CUX2: variants seen among roughly 807,000 people sequenced by gnomAD.
CUX2 encodes homeobox protein cut-like 2.
Under a neutral mutation model 144.8 loss-of-function variants are expected in CUX2, and 40 were observed. The ratio of observed to expected loss-of-function variants is 0.28; its 90% CI spans 0.21 to 0.36. The LOEUF is 0.36. Ranked by LOEUF, CUX2 falls within the 10% of genes least tolerant of loss-of-function variation. The pLI, the probability that CUX2 is intolerant of heterozygous loss-of-function variation, is 1.00. For synonymous variants in CUX2, 827 were observed against 875.6 expected (o/e 0.94, Z 0.98); for missense variants, 1,615 against 1,994.0 (o/e 0.81, Z 3.62).
At chr12:111,044,785 A>G (rs1869918371) in intron 1 of CUX2, among the ~76,000 whole-genome samples, 1 of 152,100 alleles carries the variant, frequency 6.6e-6, no homozygotes, top group South Asian at 2.1e-4. Flanking sequence ...CTTCACCTTG[A>G]GGGGCAGTCT....
chr12:111,144,421 C>T (rs1000554453), intron 1 of CUX2, among the ~76,000 whole-genome samples: 3 of 152,192 alleles, frequency 2.0e-5, no homozygotes, highest in African/African-American at 7.2e-5. Context: ...ATGATCTTCC[C>T]GGTCACTAGG....
In CUX2 at chr12:111,210,563, G is replaced by C. The variant is rs149294723; in HGVS notation, c.64-3637G>C. 2.8e-3 allele frequency among the ~76,000 whole-genome samples: 434 copies of C among 152,306 alleles called. 1 individual carries two copies. The highest frequency in any genetic ancestry group is 9.7e-3 in the African/African-American group (405 of 41,564). ...AATCCCAACACTTTGGGAGGCCACA[G>C]CAGGTGGATTGCTTGAGTCTAGGAG... is the stretch of plus-strand genomic sequence containing the variant. On this transcript the variant is annotated intron_variant, in intron 1 of 21. Transcript: ENST00000261726.
intron 1 of CUX2, among the ~76,000 whole-genome samples, chr12:111,121,895 C>T (rs1438851107): frequency 6.6e-6 from 1 of 151,998 alleles, no homozygotes; most frequent in Non-Finnish European, 1.5e-5. Context: ...GAGCCCCTTC[C>T]ACCGAGACCT....
chr12:111,253,314 T>A (rs1329109636), intron 3 of CUX2, among the ~76,000 whole-genome samples: 1 of 102,818 alleles, frequency 9.7e-6, no homozygotes, highest in Admixed American at 9.7e-5. Flanking sequence ...CCGACTCACC[T>A]CCCGACCCCC....
intron 16 of CUX2, among the ~76,000 whole-genome samples, chr12:111,317,269 G>A (rs921086864): frequency 6.6e-6 from 1 of 152,170 alleles, no homozygotes; most frequent in African/African-American, 2.4e-5. Context: ...GCAGAGGGAA[G>A]CACCTTTTCA....
chr12:111,342,455 G>T (rs7978923), intron 21 of CUX2, among the ~76,000 whole-genome samples: 75,339 of 150,858 alleles, frequency 0.5, 24,377 homozygotes, highest in East Asian at 0.93. Flanking sequence ...CACTCCAGCC[G>T]GGGCGACAGA....
intron 19 of CUX2, among the ~76,000 whole-genome samples, chr12:111,337,370 A>G (rs1391480675): frequency 1.3e-5 from 2 of 148,958 alleles, no homozygotes. Flanking sequence ...AAAAAAAAAG[A>G]AAAGAAAAAT....
At position 111,059,561 on chromosome 12, in the gene CUX2, G is replaced by A. The variant is rs142571579; in HGVS notation, c.63+25321G>A. ...CACGTGACTCTTCTGACTTTCCTAGGTCCCCCCACCCAGGGTCAGCTTTCT... is the reference window on the plus strand; with the variant it reads ...CACGTGACTCTTCTGACTTTCCTAGATCCCCCCACCCAGGGTCAGCTTTCT... On this transcript the variant is annotated intron_variant, in intron 1 of 21. Transcript: ENST00000261726. The surrounding 1 kb of genome is among the most constrained non-coding windows in gnomAD (Gnocchi z 5.3). 5.5e-3 allele frequency among the ~76,000 whole-genome samples: 840 copies of A among 152,152 alleles called. 11 individuals carry two copies. The highest frequency in any genetic ancestry group is 0.019 in the African/African-American group (793 of 41,510).
At position 111,347,779 on chromosome 12, in the gene CUX2, G is replaced by T. The variant is rs980971645; in HGVS notation, c.3915G>T (p.Glu1305Asp). Residue 1305 changes from glutamate to aspartate, a missense_variant, in exon 22 of 22, where the codon GAG becomes GAT. By Grantham distance (45) the Glu-to-Asp change is conservative (BLOSUM62 2). Around this residue, in one of 12 missense-constraint regions of CUX2, gnomAD observed 298 missense variants for 330.4 expected, o/e 0.90. Transcript: ENST00000261726. ...GGATCAAGCAGGAACAGATGGAGGA[G>T]GATGCTGAGGAAGAGGCAGGCAGCC... ...QVRIKQEQME[E>D]DAEEEAGSQP... is the part of the protein sequence containing the mutation. The T allele has an allele frequency of 3.7e-6, 6 of 1,614,046 alleles. No homozygotes were observed. Among genetic ancestry groups the T allele is most frequent in the Admixed American group, 1.7e-5 (1 of 60,010 alleles).
chr12:111,296,625 C>T (rs1231007022), intron 8 of CUX2, 86 bp downstream of exon 8: 15 of 1,265,942 alleles, frequency 1.2e-5, no homozygotes, highest in Non-Finnish European at 1.5e-5. Flanking sequence ...TACTTGCCTC[C>T]TCCCTCTGAC....
chr12:111,218,559 G>A (rs76925936), intron 3 of CUX2, among the ~76,000 whole-genome samples: 1 of 152,076 alleles, frequency 6.6e-6, no homozygotes, highest in African/African-American at 2.4e-5. Flanking sequence ...CTATGACCTT[G>A]AACAAACCTA....
intron 1 of CUX2, among the ~76,000 whole-genome samples, chr12:111,212,482 G>C (rs960361355): frequency 6.6e-6 from 1 of 152,162 alleles, no homozygotes; most frequent in African/African-American, 2.4e-5. Flanking sequence ...TTGACCTCCT[G>C]AGCTCAAGCA....
intron 1 of CUX2, among the ~76,000 whole-genome samples, chr12:111,070,326 C>G (rs1566199677): frequency 6.6e-6 from 1 of 151,772 alleles, no homozygotes; most frequent in Admixed American, 6.6e-5. Context: ...CTCCCTCTCT[C>G]CCTTCCTTCC....
chr12:111,302,182 T>C (rs1267073353), intron 9 of CUX2, among the ~76,000 whole-genome samples: 2 of 152,206 alleles, frequency 1.3e-5, no homozygotes, highest in Non-Finnish European at 2.9e-5. Context: ...AGCATCCTGA[T>C]TGTCCAGGTC....
chr12:111,290,335 C>G (rs1445133969), intron 4 of CUX2, among the ~76,000 whole-genome samples: 1 of 152,206 alleles, frequency 6.6e-6, no homozygotes, highest in African/African-American at 2.4e-5. Context: ...AATCTCCACT[C>G]TCTGCAGCCT....
chr12:111,088,743 A>T (rs1412617315), intron 1 of CUX2, among the ~76,000 whole-genome samples: 1 of 152,154 alleles, frequency 6.6e-6, no homozygotes, highest in African/African-American at 2.4e-5. Context: ...CTGAGCCCTT[A>T]GTTCTTTCCT....
chr12:111,154,704 C>A (rs921135122), intron 1 of CUX2, among the ~76,000 whole-genome samples: 4 of 152,106 alleles, frequency 2.6e-5, no homozygotes, highest in Non-Finnish European at 5.9e-5. Context: ...AGAGAGGCAA[C>A]GGTCTTGCAA....
chr12:111,230,033 T>A (rs1310990907), intron 3 of CUX2, among the ~76,000 whole-genome samples: 4 of 146,782 alleles, frequency 2.7e-5, no homozygotes, highest in East Asian at 2.0e-4. Flanking sequence ...AAAAAAAAAA[T>A]TTCCAGCTAC....
intron 1 of CUX2, among the ~76,000 whole-genome samples, chr12:111,069,520 CTGTGTGTGTG>C (rs150243402): frequency 2.9e-5 from 4 of 139,804 alleles, no homozygotes; most frequent in Middle Eastern, 3.5e-3. Flanking sequence ...AAGCCTTGCT[CTGTGTGTGTG>C]TGTGTGTGTG....
Sources: gnomAD v4.1 joint callset for allele counts (sites outside exome capture counted in the v4.1 genomes callset) on GRCh38, gnomAD v4.1.1 for gene constraint, gnomAD v4.1.1 regional missense constraint, Gnocchi (gnomAD v3.1) non-coding constraint, MANE v1.5 for transcripts, NCBI Gene and HGNC (gene_info 2026-07-23, HGNC 2026-07-21) for gene names.